Variants in ARB2A observed in about 807,000 individuals in gnomAD.
ARB2A encodes ARB2 cotranscriptional regulator A, also known as cotranscriptional regulator ARB2A.
At chr5:93,820,233 C>T in the ARB2A span, among the ~76,000 whole-genome samples, 1 of 152,086 alleles carries the variant, frequency 6.6e-6, no homozygotes, top group East Asian at 1.9e-4. Flanking sequence ...ATATATTGAG[C>T]ACTGCAAACG....
At chr5:94,008,167 G>A in the ARB2A span, among the ~76,000 whole-genome samples, 1 of 152,092 alleles carries the variant, frequency 6.6e-6, no homozygotes, top group Non-Finnish European at 1.5e-5. Context: ...TTATTCACTG[G>A]GGAGGCTGTA....
the ARB2A span, among the ~76,000 whole-genome samples, chr5:93,880,395 A>G: frequency 1.3e-5 from 2 of 151,816 alleles, no homozygotes; most frequent in African/African-American, 2.4e-5. Flanking sequence ...AAAAACTTAG[A>G]AAGCAATATA....
the ARB2A span, among the ~76,000 whole-genome samples, chr5:93,819,055 G>C: frequency 6.6e-6 from 1 of 151,268 alleles, no homozygotes; most frequent in Non-Finnish European, 1.5e-5. Flanking sequence ...GCATGGTGGC[G>C]CGTGCCTGTA....
At chr5:93,993,476 T>C in the ARB2A span, among the ~76,000 whole-genome samples, 43 of 152,262 alleles carry the variant, frequency 2.8e-4, no homozygotes, top group African/African-American at 9.6e-4. Context: ...CACATTTTTG[T>C]TGTTATTCTT....
At chr5:93,676,987 G>T in the ARB2A span, among the ~76,000 whole-genome samples, 1 of 152,108 alleles carries the variant, frequency 6.6e-6, no homozygotes, top group Admixed American at 6.5e-5. Flanking sequence ...ATGCAGTCAT[G>T]TTATCTCATA....
At chr5:93,715,260 G>A in the ARB2A span, among the ~76,000 whole-genome samples, 1 of 152,068 alleles carries the variant, frequency 6.6e-6, no homozygotes, top group Non-Finnish European at 1.5e-5. Context: ...TAGCACTTAC[G>A]GATAGAACTT....
the ARB2A span, among the ~76,000 whole-genome samples, chr5:94,072,493 C>T: frequency 2.6e-5 from 4 of 152,064 alleles, no homozygotes; most frequent in Admixed American, 2.6e-4. Context: ...TACCATTAGG[C>T]TATGACAAAT....
At chr5:94,103,807 A>C in the ARB2A span, among the ~76,000 whole-genome samples, 4 of 151,900 alleles carry the variant, frequency 2.6e-5, no homozygotes, top group East Asian at 1.9e-4. Flanking sequence ...AAAAAAAAAA[A>C]AAAAAACTGA....
chr5:93,747,832 T>G, the ARB2A span, among the ~76,000 whole-genome samples: 5 of 152,106 alleles, frequency 3.3e-5, no homozygotes, highest in Non-Finnish European at 5.9e-5. Context: ...CAACTGTGAG[T>G]GGAAAACTGA....
At chr5:93,874,536 G>C in the ARB2A span, among the ~76,000 whole-genome samples, 1 of 152,112 alleles carries the variant, frequency 6.6e-6, no homozygotes, top group Admixed American at 6.5e-5. Flanking sequence ...CTTGCTCTAT[G>C]CATTTCTTCC....
At chr5:93,733,290 T>G in the ARB2A span, 1 of 150,306 alleles carries the variant, frequency 6.7e-6, no homozygotes. Context: ...AACCTCCGCC[T>G]CCCGGGTTCA....
At chr5:94,073,137 T>C in the ARB2A span, among the ~76,000 whole-genome samples, 1 of 152,140 alleles carries the variant, frequency 6.6e-6, no homozygotes, top group East Asian at 1.9e-4. Flanking sequence ...TTACATATCA[T>C]AGCTCGGTTT....
chr5:93,933,962 C>T, the ARB2A span, among the ~76,000 whole-genome samples: 63 of 152,032 alleles, frequency 4.1e-4, no homozygotes, highest in African/African-American at 1.0e-3. Flanking sequence ...GCCGAGATCA[C>T]GCCACTGCAT....
At chr5:93,652,091 T>C in the ARB2A span, among the ~76,000 whole-genome samples, 1 of 152,120 alleles carries the variant, frequency 6.6e-6, no homozygotes. Context: ...AACATATCAA[T>C]AATGACAGGA....
At chr5:93,774,024 C>A in the ARB2A span, among the ~76,000 whole-genome samples, 1 of 152,226 alleles carries the variant, frequency 6.6e-6, no homozygotes, top group African/African-American at 2.4e-5. Flanking sequence ...AATCCTCTTA[C>A]CTTGGCCTCC....
the ARB2A span, among the ~76,000 whole-genome samples, chr5:93,720,247 T>A: frequency 3.3e-5 from 5 of 152,376 alleles, no homozygotes; most frequent in African/African-American, 7.2e-5. Context: ...AAAGTGGTTA[T>A]TAAGCCTTCA....
the ARB2A span, among the ~76,000 whole-genome samples, chr5:93,695,897 A>C: frequency 6.6e-6 from 1 of 152,194 alleles, no homozygotes; most frequent in Non-Finnish European, 1.5e-5. Flanking sequence ...GACATGGATG[A>C]TGCTGAAAAC....
the ARB2A span, among the ~76,000 whole-genome samples, chr5:93,664,521 C>A: frequency 2.6e-5 from 4 of 151,580 alleles, no homozygotes; most frequent in African/African-American, 9.7e-5. Context: ...CTCCCAGGTA[C>A]TCGGGAAGCT....
the ARB2A span, among the ~76,000 whole-genome samples, chr5:93,864,598 T>A: frequency 1.3e-5 from 2 of 152,076 alleles, no homozygotes; most frequent in Admixed American, 6.6e-5. Context: ...TGTAAAAAAA[T>A]TCTTATAGAA....
Sources: gnomAD v4.1 joint callset for allele counts (sites outside exome capture counted in the v4.1 genomes callset) on GRCh38, gnomAD v4.1.1 for gene constraint, MANE v1.5 for transcripts, NCBI Gene and HGNC (gene_info 2026-07-23, HGNC 2026-07-21) for gene names.